Variants in CLTCL1 observed in about 807,000 individuals in gnomAD.
The protein encoded by CLTCL1 is clathrin heavy chain 2.
In CLTCL1, 159 loss-of-function variants were observed where a neutral mutation model predicts 190.0. The observed-to-expected ratio is 0.84, with a 90% CI of 0.74 to 0.95. The LOEUF (loss-of-function observed/expected upper bound fraction) is 0.95. CLTCL1 is among the 40% of genes least tolerant of loss of function. CLTCL1 has a pLI of 0.00. For synonymous variants in CLTCL1, 752 were observed against 769.6 expected, an observed-to-expected ratio of 0.98 and a Z score of 0.38; for missense variants, 1,878 against 2,033.4, an observed-to-expected ratio of 0.92 and a Z score of 1.47.
At chr22:19,245,480 C>T (rs1402516310) in intron 3 of CLTCL1, among the ~76,000 whole-genome samples, 1 of 152,138 alleles carries the variant, frequency 6.6e-6, no homozygotes, top group Admixed American at 6.5e-5. Context: ...GCGTAAGCCA[C>T]CACACCTGGC....
intron 2 of CLTCL1, among the ~76,000 whole-genome samples, chr22:19,271,508 G>A (rs782383597): frequency 4.6e-5 from 7 of 152,234 alleles, no homozygotes; most frequent in East Asian, 1.9e-4. Flanking sequence ...GCTCCGCTAC[G>A]GTAAGACATG....
At chr22:19,181,046 A>T in intron 30 of CLTCL1, 1 of 556,958 alleles carries the variant, frequency 1.8e-6, no homozygotes, top group South Asian at 2.2e-5. Flanking sequence ...GGGCCCCCAG[A>T]GCTTCCCAGT....
intron 18 of CLTCL1, among the ~76,000 whole-genome samples, chr22:19,217,126 A>G (rs2085409587): frequency 6.6e-6 from 1 of 152,208 alleles, no homozygotes; most frequent in African/African-American, 2.4e-5. Context: ...CAATGGTACC[A>G]TAAGATGCAA....
At position 19,226,324 on chromosome 22, in the gene CLTCL1, G is replaced by A. The variant is rs1404362124; in HGVS notation, c.1842C>T (p.Ala614=). 3 of 1,613,892 alleles carry A rather than the reference G, an allele frequency of 1.9e-6. No individual in the cohort carries two copies. Among genetic ancestry groups the A allele is most frequent in the East Asian group, 2.2e-5 (1 of 44,898 alleles). The change falls in exon 12 of 33, where the codon GCC becomes GCT. Residue 614 remains alanine, a synonymous_variant. Transcript: ENST00000427926. ...GGAGGCCTGCCTTCTCACAGAGCTGGGCAATGTGGGCCCGGTCGTAATGAG... is the reference window on the plus strand; with the variant it reads ...GGAGGCCTGCCTTCTCACAGAGCTGAGCAATGTGGGCCCGGTCGTAATGAG... ...MFTHYDRAHI[A]QLCEKAGLLQ...
intron 3 of CLTCL1, among the ~76,000 whole-genome samples, chr22:19,251,143 C>A (rs951722061): frequency 1.4e-5 from 2 of 145,936 alleles, no homozygotes; most frequent in Non-Finnish European, 3.0e-5. Flanking sequence ...TCTTTAATTA[C>A]TTCCAAACAT....
chr22:19,196,244 A>G, intron 26 of CLTCL1, 22 bp downstream of exon 26: 1 of 1,607,748 alleles, frequency 6.2e-7, no homozygotes, highest in Non-Finnish European at 8.5e-7. Flanking sequence ...GGCAGGAGCC[A>G]GCGCTCTGTA....
At chr22:19,217,234 G>C (rs2085412553) in intron 18 of CLTCL1, among the ~76,000 whole-genome samples, 1 of 152,194 alleles carries the variant, frequency 6.6e-6, no homozygotes. Flanking sequence ...AAAAGGGTAT[G>C]CCTGAGGGAA....
At chr22:19,236,478 A>C (rs1367846369) in intron 5 of CLTCL1, among the ~76,000 whole-genome samples, 4 of 152,194 alleles carry the variant, frequency 2.6e-5, no homozygotes, top group African/African-American at 9.7e-5. Context: ...AAAAATATTT[A>C]ACACACAAGA....
chr22:19,231,049 C>T (rs1555958887), intron 10 of CLTCL1, among the ~76,000 whole-genome samples: 1 of 152,166 alleles, frequency 6.6e-6, no homozygotes, highest in Admixed American at 6.5e-5. Context: ...CAAAGGCCCC[C>T]CAGGGTTCTC....
chr22:19,209,067 C>T lies in CLTCL1; in HGVS notation c.3297G>A (p.Ala1099=), dbSNP rs372397349. The change falls in exon 21 of 33, where the codon GCG becomes GCA. Residue 1099 remains alanine (A), a synonymous_variant. Coordinates refer to ENST00000427926, the MANE Select transcript of CLTCL1 (RefSeq NM_007098.4). ...IGNLDRAYEF[A]ERCNEPAVWS... is the part of the protein sequence containing the mutation. ...ACACAGCAGGCTCATTGCATCTCTC[C>T]GCAAACTCATATGCCCGGTCCAGGT... 11 of 1,609,188 alleles carry T rather than the reference C, an allele frequency of 6.8e-6. No homozygotes were observed. The highest frequency in any genetic ancestry group is 2.2e-5 in the East Asian group (1 of 44,700).
intron 26 of CLTCL1, among the ~76,000 whole-genome samples, chr22:19,191,986 G>A (rs1280677198): frequency 5.3e-5 from 8 of 152,046 alleles, no homozygotes; most frequent in Non-Finnish European, 7.4e-5. Flanking sequence ...CCTGGGTCTC[G>A]AGATTTGGCC....
chr22:19,225,760 G>C, intron 12 of CLTCL1, 127 bp from the exon 13 acceptor site: 2 of 885,368 alleles, frequency 2.3e-6, no homozygotes, highest in Middle Eastern at 2.3e-4. Context: ...CACATAAAGG[G>C]GTTGAAAAGC....
In CLTCL1 at chr22:19,187,884, C is replaced by T. The variant is rs559585071; in HGVS notation, c.4434+97G>A. 11 of 1,375,656 alleles carry T rather than the reference C, an allele frequency of 8.0e-6. No homozygotes were observed. In the East Asian group the frequency reaches 2.1e-4, roughly 26 times the overall value. The allele number at this position is 1,375,656 out of a possible 1,614,324, so 85.2% of individuals were successfully genotyped here. On this transcript the variant is annotated intron_variant, in intron 28 of 32. Coordinates refer to ENST00000427926, the MANE Select transcript of CLTCL1 (RefSeq NM_007098.4). ...ACTGGTGTCCTGTGGGGCCTGCACA[C>T]CCTCCTGTGCAAAGGCAGCCTGCTT...
chr22:19,181,051 C>T (rs1669866257), intron 30 of CLTCL1: 2 of 552,532 alleles, frequency 3.6e-6, no homozygotes, highest in Admixed American at 3.1e-5. Flanking sequence ...CCCAGAGCTT[C>T]CCAGTGGGCA....
chr22:19,279,303 T>C (rs1364570874), intron 1 of CLTCL1, among the ~76,000 whole-genome samples: 1 of 151,964 alleles, frequency 6.6e-6, no homozygotes, highest in Non-Finnish European at 1.5e-5. Context: ...GCTCGGCTGA[T>C]TTTTGTAATT....
chr22:19,277,563 T>A (rs782259803), intron 1 of CLTCL1, among the ~76,000 whole-genome samples: 1 of 152,138 alleles, frequency 6.6e-6, no homozygotes, highest in Admixed American at 6.5e-5. Flanking sequence ...AGTGAAATAG[T>A]TTTTTAAAAA....
At chr22:19,186,603 TCC>T (rs1193209386) in intron 29 of CLTCL1, among the ~76,000 whole-genome samples, 1 of 104,764 alleles carries the variant, frequency 9.5e-6, no homozygotes, top group African/African-American at 3.5e-5. Flanking sequence ...TTTATTTTTT[TCC>T]TTTTTTTTTT....
chr22:19,273,387 T>C (rs2087387555), intron 2 of CLTCL1, among the ~76,000 whole-genome samples: 1 of 152,144 alleles, frequency 6.6e-6, no homozygotes, highest in Admixed American at 6.5e-5. Flanking sequence ...ACTCAACATG[T>C]TATAGTTGAA....
At chr22:19,282,028 C>A (rs1281778182) in intron 1 of CLTCL1, among the ~76,000 whole-genome samples, 1 of 152,082 alleles carries the variant, frequency 6.6e-6, no homozygotes. Context: ...ATTCTGCATT[C>A]TTCAGAAATG....
Sources: allele counts gnomAD v4.1 joint callset (sites outside exome capture counted in the v4.1 genomes callset), GRCh38; gene constraint gnomAD v4.1.1; transcripts MANE v1.5; gene names NCBI Gene and HGNC (gene_info 2026-07-23, HGNC 2026-07-21).